GCH1: variants seen among roughly 807,000 people sequenced by gnomAD.
GCH1 encodes the protein GTP cyclohydrolase I.
In GCH1, 5 loss-of-function variants were observed where a neutral mutation model predicts 25.9. The ratio of observed to expected loss-of-function variants is 0.19; its 90% CI spans 0.10 to 0.41. The LOEUF is 0.41. GCH1 is among the 10% of genes least tolerant of loss of function. The pLI, the probability that GCH1 is intolerant of heterozygous loss-of-function variation, is 1.00. For missense variants in GCH1, 261 were observed against 336.5 expected, an observed-to-expected ratio of 0.78 and a Z score of 1.75; for synonymous variants, 159 against 129.6, an observed-to-expected ratio of 1.23 and a Z score of -1.54.
intron 1 of GCH1, among the ~76,000 whole-genome samples, chr14:54,879,984 C>CAAAAAAAAAAAAAAAAA (rs35476604): frequency 2.0e-5 from 1 of 49,590 alleles, no homozygotes; most frequent in Non-Finnish European, 3.9e-5. Context: ...GGCTCTGTCT[C>CAAAAAAAAAAAAAAAAA]AAAAAAAAAA....
At chr14:54,894,713 C>A (rs1392425038) in intron 1 of GCH1, among the ~76,000 whole-genome samples, 2 of 151,598 alleles carry the variant, frequency 1.3e-5, no homozygotes, top group East Asian at 3.9e-4. Context: ...TCCACTTAGA[C>A]ATGTCCAAAA....
At position 54,843,346 on chromosome 14, in the gene GCH1, T is replaced by C; in HGVS notation, c.*671A>G. On this transcript the variant is annotated 3_prime_UTR_variant, in exon 6 of 6. Transcript: ENST00000491895. Reference sequence around the variant, plus strand: ...AAATCCCTGTATGTTGACACGAGAATACACTCGTAAACAACACCAGGAACT... The same window carrying C: ...AAATCCCTGTATGTTGACACGAGAACACACTCGTAAACAACACCAGGAACT... 7.7e-7 allele frequency: 1 copy of C among 1,293,372 alleles called. No individual in the cohort carries two copies. The highest frequency in any genetic ancestry group is 9.8e-7 in the Non-Finnish European group (1 of 1,023,762). 80.1% of individuals were successfully genotyped at this position (1,293,372 alleles called of 1,614,324 possible).
chr14:54,899,014 G>A (rs752267418), intron 1 of GCH1, among the ~76,000 whole-genome samples: 4 of 152,054 alleles, frequency 2.6e-5, no homozygotes, highest in Admixed American at 6.6e-5. Context: ...CATTACTCTA[G>A]GCCTACACAG....
intron 1 of GCH1, among the ~76,000 whole-genome samples, chr14:54,897,044 T>C (rs1413756657): frequency 7.7e-6 from 1 of 129,390 alleles, no homozygotes; most frequent in Non-Finnish European, 1.6e-5. Flanking sequence ...GGAGTCTTGC[T>C]CTGTCGCCAG....
Position 54,876,284 on chromosome 14 carries a change from T to C in GCH1, c.344-10848A>G, listed in dbSNP as rs571176152. On this transcript the variant is annotated intron_variant, in intron 1 of 5. Coordinates refer to ENST00000491895, the MANE Select transcript of GCH1 (RefSeq NM_000161.3). The stretch of plus-strand genomic sequence containing the variant: ...GCATGTTCTCACTCATAGGTGGGAA[T>C]TGAACAATGAGAACACTTGGACACA... Among the ~76,000 whole-genome samples the C allele has an allele frequency of 3.9e-5, 6 of 152,126 alleles. No individual in the cohort carries two copies. In the East Asian group the frequency reaches 5.8e-4, roughly 15 times the overall value.
chr14:54,845,671 T>C (rs942972751), intron 5 of GCH1, 97 bp downstream of exon 5: 2 of 788,000 alleles, frequency 2.5e-6, no homozygotes, highest in African/African-American at 1.7e-5. Flanking sequence ...ATCAGTTGTG[T>C]GGCATCACCT....
Position 54,902,557 on chromosome 14 carries a change from G to A in GCH1, c.107C>T (p.Ala36Val), listed in dbSNP as rs1431116951. 1 of 1,524,824 alleles carries A rather than the reference G, an allele frequency of 6.6e-7. No individual in the cohort carries two copies. The allele number at this position is 1,524,824 out of a possible 1,614,324, so 94.5% of individuals were successfully genotyped here. Reference protein sequence around the residue: ...DPPRPGPSRPAEKPPRPEAKS... With the variant: ...DPPRPGPSRPVEKPPRPEAKS... ...GGCCTCGGGCCGCGGGGGCTTCTCC[G>A]CCGGCCTGCTGGGCCCGGGCCGCGG... Residue 36 changes from alanine (A) to valine (V), a missense_variant, in exon 1 of 6, where the codon GCG becomes GTG. This residue lies in a region of GCH1 where 125 missense variants were observed against 128.7 expected (regional missense o/e 0.97). Transcript: ENST00000491895.
At chr14:54,868,129 T>C (rs2040015368) in intron 1 of GCH1, among the ~76,000 whole-genome samples, 1 of 152,044 alleles carries the variant, frequency 6.6e-6, no homozygotes, top group Non-Finnish European at 1.5e-5. Flanking sequence ...TTAGAAAGCA[T>C]CAGGCCAGGC....
chr14:54,892,097 G>GA (rs926284976), intron 1 of GCH1, among the ~76,000 whole-genome samples: 6 of 151,568 alleles, frequency 4.0e-5, no homozygotes, highest in Admixed American at 6.6e-5. Flanking sequence ...TGTGAAGGAG[G>GA]AAAAAAAAAT....
At chr14:54,865,121 G>T (rs1037242570) in intron 2 of GCH1, among the ~76,000 whole-genome samples, 2 of 151,718 alleles carry the variant, frequency 1.3e-5, no homozygotes, top group Non-Finnish European at 2.9e-5. Flanking sequence ...AACATGAAAG[G>T]CTTATCCTGA....
chr14:54,900,845 T>TCTCACACA (rs372705352), intron 1 of GCH1, among the ~76,000 whole-genome samples: 2 of 144,740 alleles, frequency 1.4e-5, no homozygotes, highest in East Asian at 2.1e-4. Context: ...GTGAAATATC[T>TCTCACACA]CACACACACA....
intron 1 of GCH1, among the ~76,000 whole-genome samples, chr14:54,874,446 G>C (rs1019656830): frequency 3.3e-5 from 5 of 152,250 alleles, no homozygotes; most frequent in Admixed American, 1.3e-4. Flanking sequence ...ACAGGGATGT[G>C]CTCTCTCACC....
At chr14:54,845,153 A>G (rs1447357938) in intron 5 of GCH1, among the ~76,000 whole-genome samples, 25 of 151,526 alleles carry the variant, frequency 1.6e-4, no homozygotes, top group South Asian at 6.2e-4. Context: ...AGCCTGGGTG[A>G]GAGAGCAAGA....
At chr14:54,850,534 A>T (rs2039712936) in intron 3 of GCH1, among the ~76,000 whole-genome samples, 1 of 152,032 alleles carries the variant, frequency 6.6e-6, no homozygotes, top group Non-Finnish European at 1.5e-5. Context: ...ACATGTGCAC[A>T]ACGTGCAGGT....
In GCH1 at chr14:54,865,042, CAA is replaced by C. The variant is rs56813558; in HGVS notation, c.453+283_453+284del. 0.044 allele frequency among the ~76,000 whole-genome samples: 6,424 copies of C among 145,630 alleles called. 491 individuals are homozygous for C. Among genetic ancestry groups the C allele is most frequent in the African/African-American group, 0.15 (6,010 of 39,916 alleles). ...AGGTTTTCAGAGCCTGTAGTAGCTA[CAA>C]AAAAAAAAAAAGAGAGAGAGAGATG... On this transcript the variant is annotated intron_variant, in intron 2 of 5. Coordinates refer to ENST00000491895, the MANE Select transcript of GCH1 (RefSeq NM_000161.3).
At chr14:54,888,587 A>G (rs1337496084) in intron 1 of GCH1, among the ~76,000 whole-genome samples, 1 of 150,394 alleles carries the variant, frequency 6.6e-6, no homozygotes, top group Non-Finnish European at 1.5e-5. Context: ...ATCTCCGCTC[A>G]CTGCAAGCTC....
chr14:54,854,062 A>T (rs2140054479), intron 3 of GCH1, among the ~76,000 whole-genome samples: 1 of 152,340 alleles, frequency 6.6e-6, no homozygotes, highest in African/African-American at 2.4e-5. Flanking sequence ...TTTTAGTTAC[A>T]TATCGTCTCA....
At position 54,867,589 on chromosome 14, in the gene GCH1, CAAAAAA is replaced by C. The variant is rs1029899399; in HGVS notation, c.344-2159_344-2154del. Reference sequence around the variant, plus strand: ...GGCAAGAGAGAACAAGACTCCGTCTCAAAAAAAAAAAAAAAAAAAAAAAAAGATCTG... The same window carrying C: ...GGCAAGAGAGAACAAGACTCCGTCTCAAAAAAAAAAAAAAAAAAAGATCTG... On this transcript the variant is annotated intron_variant, in intron 1 of 5. Transcript: ENST00000491895. Among the ~76,000 whole-genome samples the C allele has an allele frequency of 1.9e-3, 89 of 46,642 alleles. 1 individual carries two copies. Among genetic ancestry groups the C allele is most frequent in the African/African-American group, 6.8e-3 (83 of 12,244 alleles). 30.6% of individuals were successfully genotyped at this position (46,642 alleles called of 152,430 possible).
At chr14:54,861,482 T>C (rs1045401395) in intron 2 of GCH1, among the ~76,000 whole-genome samples, 1 of 152,054 alleles carries the variant, frequency 6.6e-6, no homozygotes, top group Non-Finnish European at 1.5e-5. Context: ...ACACCTGTAA[T>C]TCCAACATTT....
Sources: allele counts gnomAD v4.1 joint callset (sites outside exome capture counted in the v4.1 genomes callset), GRCh38; gene constraint gnomAD v4.1.1; regional missense constraint gnomAD v4.1.1; transcripts MANE v1.5; gene names NCBI Gene and HGNC (gene_info 2026-07-23, HGNC 2026-07-21).